The following NKAIN3 variants were observed in gnomAD, a reference collection of about 807,000 sequenced individuals.
NKAIN3 encodes sodium/potassium transporting ATPase interacting 3.
In NKAIN3, 25 loss-of-function variants were observed where a neutral mutation model predicts 30.2. That is an observed-to-expected ratio of 0.83 (90% confidence interval 0.60 to 1.16). The LOEUF is 1.16. NKAIN3 is among the 50% of genes most tolerant of loss of function. The probability of loss-of-function intolerance (pLI) is 0.00; values close to 1 mark genes in which losing one functional copy is unlikely to be tolerated. For missense variants in NKAIN3, 225 were observed against 254.1 expected (o/e 0.89, Z 0.78); for synonymous variants, 91 against 89.6 (o/e 1.02, Z -0.09).
At chr8:62,275,370 T>A (rs142750343) in intron 1 of NKAIN3, among the ~76,000 whole-genome samples, 1 of 152,350 alleles carries the variant, frequency 6.6e-6, no homozygotes, top group African/African-American at 2.4e-5. Context: ...TCTTGATTTC[T>A]TAAGTTAAAT....
chr8:62,350,588 G>A (rs1173510304), intron 1 of NKAIN3, among the ~76,000 whole-genome samples: 3 of 152,094 alleles, frequency 2.0e-5, no homozygotes, highest in African/African-American at 4.8e-5. Context: ...GCACTGAAAT[G>A]TACACTAATA....
chr8:62,852,112 A>G (rs1819926375), intron 4 of NKAIN3, among the ~76,000 whole-genome samples: 1 of 152,086 alleles, frequency 6.6e-6, no homozygotes, highest in South Asian at 2.1e-4. Flanking sequence ...GTAAGCTATT[A>G]ATTGTTGCCT....
chr8:62,871,193 G>A (rs912783558), intron 4 of NKAIN3, among the ~76,000 whole-genome samples: 2 of 152,000 alleles, frequency 1.3e-5, no homozygotes, highest in African/African-American at 4.8e-5. Context: ...CTGAGGTCAA[G>A]AGTTTGAGAC....
intron 5 of NKAIN3, among the ~76,000 whole-genome samples, chr8:62,928,136 A>G (rs569453557): frequency 6.6e-6 from 1 of 152,318 alleles, no homozygotes; most frequent in Admixed American, 6.5e-5. Context: ...GATATTAGGG[A>G]GTATTCATAT....
At chr8:62,582,387 C>T (rs541153224) in intron 2 of NKAIN3, among the ~76,000 whole-genome samples, 17 of 152,228 alleles carry the variant, frequency 1.1e-4, no homozygotes, top group African/African-American at 4.1e-4. Context: ...CTTTATCAAA[C>T]AATTGTCCAC....
chr8:62,909,411 A>G (rs576312943), intron 4 of NKAIN3, among the ~76,000 whole-genome samples: 6 of 152,204 alleles, frequency 3.9e-5, no homozygotes, highest in Non-Finnish European at 5.9e-5. Context: ...GAAAGACAAA[A>G]GTTGTCTTTA....
intron 5 of NKAIN3, among the ~76,000 whole-genome samples, chr8:62,953,547 G>A (rs1213156761): frequency 6.6e-6 from 1 of 152,070 alleles, no homozygotes; most frequent in Admixed American, 6.6e-5. Flanking sequence ...AAGGATTCTA[G>A]CAGCAAGAGG....
intron 4 of NKAIN3, among the ~76,000 whole-genome samples, chr8:62,869,043 T>C (rs1471606172): frequency 6.6e-6 from 1 of 152,312 alleles, no homozygotes; most frequent in Middle Eastern, 3.4e-3. Flanking sequence ...CTACGCAGAA[T>C]AGGAGAGTGG....
At chr8:62,655,195 G>A (rs1338858503) in intron 3 of NKAIN3, among the ~76,000 whole-genome samples, 2 of 152,124 alleles carry the variant, frequency 1.3e-5, no homozygotes, top group African/African-American at 2.4e-5. Context: ...AGCTGAAGGA[G>A]GTCCAGAGGT....
intron 3 of NKAIN3, among the ~76,000 whole-genome samples, chr8:62,729,010 C>CA (rs1222490010): frequency 1.6e-4 from 1 of 6,072 alleles, no homozygotes; most frequent in Admixed American, 2.5e-3. Context: ...AAAAACAAAA[C>CA]AAAACAAACA....
chr8:62,419,593 A>G (rs562791419), intron 1 of NKAIN3, among the ~76,000 whole-genome samples: 3 of 152,316 alleles, frequency 2.0e-5, no homozygotes, highest in Non-Finnish European at 4.4e-5. Flanking sequence ...AGTAGTGACA[A>G]ATAGATAAAT....
At chr8:62,761,113 G>T (rs1399510549) in intron 4 of NKAIN3, among the ~76,000 whole-genome samples, 1 of 151,906 alleles carries the variant, frequency 6.6e-6, no homozygotes, top group Non-Finnish European at 1.5e-5. Context: ...TTACCACCTT[G>T]CCTTGGACAT....
chr8:62,941,308 G>C (rs986210647), intron 5 of NKAIN3, among the ~76,000 whole-genome samples: 3 of 151,978 alleles, frequency 2.0e-5, no homozygotes, highest in Non-Finnish European at 4.4e-5. Context: ...ATTCATAGCT[G>C]AATTCTATCA....
At chr8:62,411,850 A>C (rs900157823) in intron 1 of NKAIN3, among the ~76,000 whole-genome samples, 1 of 152,172 alleles carries the variant, frequency 6.6e-6, no homozygotes, top group African/African-American at 2.4e-5. Flanking sequence ...AGCTAACGAA[A>C]GGGGTGAAGT....
intron 3 of NKAIN3, among the ~76,000 whole-genome samples, chr8:62,636,286 T>C (rs1052511807): frequency 6.6e-6 from 1 of 152,152 alleles, no homozygotes; most frequent in African/African-American, 2.4e-5. Context: ...AACTATTAAA[T>C]GAAGGGACAT....
intron 1 of NKAIN3, among the ~76,000 whole-genome samples, chr8:62,510,137 G>A (rs1807773841): frequency 6.6e-6 from 1 of 151,994 alleles, no homozygotes. Context: ...TAATCTTGGT[G>A]GTGGAATCAG....
At chr8:62,745,942 A>G (rs1816055108) in intron 3 of NKAIN3, among the ~76,000 whole-genome samples, 1 of 152,200 alleles carries the variant, frequency 6.6e-6, no homozygotes, top group African/African-American at 2.4e-5. Context: ...GCTACCATGG[A>G]CAAATTAAAT....
intron 1 of NKAIN3, among the ~76,000 whole-genome samples, chr8:62,273,997 C>G (rs948749064): frequency 4.6e-5 from 7 of 152,014 alleles, no homozygotes; most frequent in African/African-American, 1.7e-4. Context: ...GAAAGATGAC[C>G]TAGGAGGTTC....
intron 1 of NKAIN3, chr8:62,483,777 A>G (rs1225882860): frequency 7.3e-6 from 2 of 273,034 alleles, no homozygotes; most frequent in Admixed American, 4.1e-5. Context: ...AGCTTCTTCA[A>G]GCTCCTCTAC....
Sources: gnomAD v4.1 joint callset for allele counts (sites outside exome capture counted in the v4.1 genomes callset) on GRCh38, gnomAD v4.1.1 for gene constraint, MANE v1.5 for transcripts, NCBI Gene and HGNC (gene_info 2026-07-23, HGNC 2026-07-21) for gene names.